The following RABL3 variants were observed in gnomAD, a reference collection of about 807,000 sequenced individuals.
RABL3 encodes rab-like protein 3.
Under a neutral mutation model 31.8 loss-of-function variants are expected in RABL3, and 31 were observed. The ratio of observed to expected loss-of-function variants is 0.97; its 90% CI spans 0.73 to 1.31. RABL3 has a LOEUF of 1.31. Among genes scored for constraint, RABL3 ranks in the 40% most tolerant of loss-of-function variants. The pLI, the probability that RABL3 is intolerant of heterozygous loss-of-function variation, is 0.00. For synonymous variants in RABL3, 97 were observed against 99.9 expected (o/e 0.97, Z 0.18); for missense variants, 263 against 279.6 (o/e 0.94, Z 0.42).
At chr3:120,714,961 T>A (rs1271273737) in intron 2 of RABL3, among the ~76,000 whole-genome samples, 1 of 152,204 alleles carries the variant, frequency 6.6e-6, no homozygotes, top group African/African-American at 2.4e-5. Context: ...TGATTCCAAC[T>A]CAGAATTGTC....
In RABL3 at chr3:120,685,154, A is replaced by G. The variant is rs1167848194; in HGVS notation, c.*4669T>C. On this transcript the variant is annotated 3_prime_UTR_variant, in exon 8 of 8. Transcript: ENST00000273375. Reference sequence around the variant, plus strand: ...ATGTCTGAGCCAAGTCCCATAGAGTAAGAGTTGGATAGAAAGTGGAAAACA... The same window carrying G: ...ATGTCTGAGCCAAGTCCCATAGAGTGAGAGTTGGATAGAAAGTGGAAAACA... Among the ~76,000 whole-genome samples the G allele has an allele frequency of 6.6e-6, 1 of 152,210 alleles. No homozygotes were observed. The highest frequency in any genetic ancestry group is 1.9e-4 in the East Asian group (1 of 5,194).
At chr3:120,708,000 T>C (rs975700918) in intron 3 of RABL3, among the ~76,000 whole-genome samples, 1 of 152,058 alleles carries the variant, frequency 6.6e-6, no homozygotes, top group South Asian at 2.1e-4. Flanking sequence ...ATTACTAGCC[T>C]AGGCTATTAG....
Position 120,705,857 on chromosome 3 carries a change from T to C in RABL3, c.383+143A>G, listed in dbSNP as rs1465119688. On this transcript the variant is annotated intron_variant, in intron 4 of 7. Coordinates refer to ENST00000273375, the MANE Select transcript of RABL3 (RefSeq NM_173825.5). Reference sequence around the variant, plus strand: ...CATCAAAATGAAAACTATTGCTTTGTGAAAGATACTGTTAAAAGGAAAAGA... The same window carrying C: ...CATCAAAATGAAAACTATTGCTTTGCGAAAGATACTGTTAAAAGGAAAAGA... 7.7e-6 allele frequency: 5 copies of C among 648,166 alleles called. No homozygotes were observed. In the African/African-American group the frequency reaches 9.2e-5, roughly 12 times the overall value. The allele number at this position is 648,166 out of a possible 1,614,324, so 40.2% of individuals were successfully genotyped here. A position where few individuals can be genotyped will look rare whatever the true frequency, so the allele number is the denominator to read the frequency against.
chr3:120,700,582 T>C lies in RABL3; in HGVS notation c.384-2009A>G, dbSNP rs371100661. Among the ~76,000 whole-genome samples, 6 of 152,152 alleles carry C rather than the reference T, an allele frequency of 3.9e-5. No homozygotes were observed. The South Asian group carries it at 6.2e-4, about 16-fold the overall frequency. ...ATCAATTATAACATTTATGAGACAATTGGGGAAATTAAAATAATATTTGGT... is the reference window on the plus strand; with the variant it reads ...ATCAATTATAACATTTATGAGACAACTGGGGAAATTAAAATAATATTTGGT... On this transcript the variant is annotated intron_variant, in intron 4 of 7. Transcript: ENST00000273375.
At chr3:120,714,237 A>T (rs1708643495) in intron 2 of RABL3, among the ~76,000 whole-genome samples, 1 of 152,240 alleles carries the variant, frequency 6.6e-6, no homozygotes, top group African/African-American at 2.4e-5. Context: ...AATCATTATT[A>T]AAGAGAGGAA....
chr3:120,699,082 C>T (rs1708468371), intron 4 of RABL3, among the ~76,000 whole-genome samples: 1 of 152,004 alleles, frequency 6.6e-6, no homozygotes. Flanking sequence ...CTACAATACA[C>T]ATTTCTGTCT....
At chr3:120,740,571 CTTTATATA>C (rs1709029046) in intron 1 of RABL3, among the ~76,000 whole-genome samples, 1 of 152,036 alleles carries the variant, frequency 6.6e-6, no homozygotes, top group South Asian at 2.1e-4. Flanking sequence ...TAAGTCATTT[CTTTATATA>C]TTTGTGAAAC....
At chr3:120,742,203 C>T (rs888629800) in intron 1 of RABL3, among the ~76,000 whole-genome samples, 2 of 148,874 alleles carry the variant, frequency 1.3e-5, no homozygotes, top group Non-Finnish European at 3.0e-5. Flanking sequence ...ACACTCTAGG[C>T]TGGGGTCGCC....
At chr3:120,731,307 C>G (rs1201829638) in intron 1 of RABL3, among the ~76,000 whole-genome samples, 1 of 152,196 alleles carries the variant, frequency 6.6e-6, no homozygotes, top group Non-Finnish European at 1.5e-5. Context: ...TGCTTGAATA[C>G]TGTCAGTGAG....
intron 2 of RABL3, among the ~76,000 whole-genome samples, chr3:120,717,023 T>G (rs1302633887): frequency 6.6e-6 from 1 of 151,964 alleles, no homozygotes; most frequent in Non-Finnish European, 1.5e-5. Context: ...GAGGCCTAGG[T>G]GGGTGGATCA....
chr3:120,688,319 A>T lies in RABL3; in HGVS notation c.*1504T>A, dbSNP rs1576327640. On this transcript the variant is annotated 3_prime_UTR_variant, in exon 8 of 8. Coordinates refer to ENST00000273375, the MANE Select transcript of RABL3 (RefSeq NM_173825.5). ...TCTACATACAGATCATGATTTGCAT[A>T]GCTTTCCTTTGTGTCAAAAAGAAAC... 1 of 152,764 alleles carries T rather than the reference A, an allele frequency of 6.5e-6. No homozygotes were observed. Among genetic ancestry groups the T allele is most frequent in the East Asian group, 1.9e-4 (1 of 5,184 alleles). The allele number at this position is 152,764 out of a possible 1,614,324, so 9.5% of individuals were successfully genotyped here. A position where few individuals can be genotyped will look rare whatever the true frequency, so the allele number is the denominator to read the frequency against.
rs1708349614 is a variant in RABL3 at position 120,689,151 on chromosome 3, A to G, written c.*672T>C. 1 of 152,100 alleles carries G rather than the reference A, an allele frequency of 6.6e-6. No individual in the cohort carries two copies. The allele number at this position is 152,100 out of a possible 1,614,324, so 9.4% of individuals were successfully genotyped here. A position where few individuals can be genotyped will look rare whatever the true frequency, so the allele number is the denominator to read the frequency against. ...CAATTTTTCACATCATTTTACCAGA[A>G]TTCTTTTTTTCTGGTATTGCTGTTC... On this transcript the variant is annotated 3_prime_UTR_variant, in exon 8 of 8. Transcript: ENST00000273375.
intron 1 of RABL3, among the ~76,000 whole-genome samples, chr3:120,733,323 G>T (rs779866583): frequency 1.1e-4 from 17 of 152,148 alleles, no homozygotes; most frequent in Admixed American, 4.6e-4. Context: ...GTGATGATGA[G>T]CATTTTTTCA....
intron 1 of RABL3, among the ~76,000 whole-genome samples, chr3:120,731,625 A>G (rs1046198783): frequency 2.6e-5 from 4 of 152,190 alleles, no homozygotes; most frequent in African/African-American, 9.7e-5. Context: ...GGGTTCCATT[A>G]TGACAAGCAT....
In RABL3 at chr3:120,742,500, G is replaced by A. The variant is rs138084643; in HGVS notation, c.8C>T (p.Ser3Phe). The change falls in exon 1 of 8, where the codon TCC (serine) becomes TTC (phenylalanine). Residue 3 changes from serine to phenylalanine, a missense_variant. Ser to Phe is a radical substitution (Grantham distance 155). Coordinates refer to ENST00000273375, the MANE Select transcript of RABL3 (RefSeq NM_173825.5). ...CACCAGTACCTTCACCCGATCCAGG[G>A]ACGCCATCTTGCCACTGCCTTCCCT... is the stretch of plus-strand genomic sequence containing the variant. The part of the protein sequence containing the change: MA[S>F]LDRVKVLVLG... 3 of 1,614,084 alleles carry A rather than the reference G, an allele frequency of 1.9e-6. No individual in the cohort carries two copies. Among genetic ancestry groups the A allele is most frequent in the African/African-American group, 1.3e-5 (1 of 74,936 alleles).
rs1303462404 is a variant in RABL3, at chr3:120,733,378, T to C, written c.47-2591A>G. On this transcript the variant is annotated intron_variant, in intron 1 of 7. Transcript: ENST00000273375. ...AATGTCTTCTTTTGAGAAGTGTCTG[T>C]TTATGTCCTTCGCCCACGTGTTGAT... Among the ~76,000 whole-genome samples, 5 of 152,074 alleles carry C rather than the reference T, an allele frequency of 3.3e-5. 1 individual carries two copies. Among genetic ancestry groups the C allele is most frequent in the Admixed American group, 2.0e-4 (3 of 15,252 alleles).
intron 4 of RABL3, 83 bp from the exon 5 acceptor site, chr3:120,698,656 CTATT>C: frequency 4.3e-6 from 5 of 1,173,314 alleles, no homozygotes; most frequent in Non-Finnish European, 5.9e-6. Flanking sequence ...CTAAGTTACA[CTATT>C]TTACTGAAAA....
intron 1 of RABL3, among the ~76,000 whole-genome samples, chr3:120,733,233 T>A (rs1708909408): frequency 6.6e-6 from 1 of 152,226 alleles, no homozygotes; most frequent in South Asian, 2.1e-4. Context: ...TGTTTTTTCA[T>A]GACTTTTTAA....
chr3:120,739,743 G>A (rs543857556), intron 1 of RABL3, among the ~76,000 whole-genome samples: 13 of 152,172 alleles, frequency 8.5e-5, no homozygotes, highest in Non-Finnish European at 1.8e-4. Context: ...AGGATGTATT[G>A]TTGATTCTGT....
Sources: allele counts gnomAD v4.1 joint callset (sites outside exome capture counted in the v4.1 genomes callset), GRCh38; gene constraint gnomAD v4.1.1; transcripts MANE v1.5; gene names NCBI Gene and HGNC (gene_info 2026-07-23, HGNC 2026-07-21).